ADAMTS17: variants seen among roughly 807,000 people sequenced by gnomAD.
ADAMTS17 encodes the protein A disintegrin and metalloproteinase with thrombospondin motifs 17.
A neutral mutation model predicts 141.5 loss-of-function variants in ADAMTS17; 113 were observed. The ratio of observed to expected loss-of-function variants is 0.80; its 90% confidence interval spans 0.69 to 0.93. The LOEUF (loss-of-function observed/expected upper bound fraction) is 0.93, where lower values mean the gene tolerates loss of function less well. ADAMTS17 is among the 40% of genes least tolerant of loss of function. The pLI is 0.00. For synonymous variants in ADAMTS17, 768 were observed against 630.6 expected (o/e 1.22, Z -3.27); for missense variants, 1,659 against 1,517.9 (o/e 1.09, Z -1.54).
chr15:100,199,731 G>A (rs529821613), intron 7 of ADAMTS17, among the ~76,000 whole-genome samples: 2 of 152,278 alleles, frequency 1.3e-5, no homozygotes, highest in East Asian at 3.9e-4. Flanking sequence ...GGAAAGGAAA[G>A]GTAACTCTCC....
At chr15:100,159,701 T>G (rs1423893153) in intron 8 of ADAMTS17, among the ~76,000 whole-genome samples, 2 of 152,240 alleles carry the variant, frequency 1.3e-5, no homozygotes, top group East Asian at 3.8e-4. Flanking sequence ...GCAGGCATGG[T>G]CTTAATCAGC....
Position 100,093,875 on chromosome 15 carries a change from A to G in ADAMTS17, c.2137+2481T>C, listed in dbSNP as rs527857000. On this transcript the variant is annotated intron_variant, in intron 15 of 21. Coordinates refer to ENST00000268070, the MANE Select transcript of ADAMTS17 (RefSeq NM_139057.4). The stretch of plus-strand genomic sequence containing the variant: ...ATGTAGTCATGCTGCATAAATAACC[A>G]TTGCGTGATTGGGCTTGGGGGTAAC... Among the ~76,000 whole-genome samples the G allele has an allele frequency of 1.6e-4, 25 of 152,234 alleles. No individual in the cohort carries two copies. The South Asian group carries it at 4.1e-3, about 25-fold the overall frequency.
At chr15:100,030,456 C>A (rs112588034) in intron 18 of ADAMTS17, among the ~76,000 whole-genome samples, 2 of 152,168 alleles carry the variant, frequency 1.3e-5, no homozygotes, top group African/African-American at 2.4e-5. Context: ...AACCTCCTCA[C>A]GCTCCCCCTA....
chr15:100,020,947 T>G (rs1330797111), intron 18 of ADAMTS17, among the ~76,000 whole-genome samples: 2 of 152,210 alleles, frequency 1.3e-5, no homozygotes, highest in African/African-American at 2.4e-5. Context: ...GCTTCTCCAG[T>G]GCTGGGAGCT....
intron 7 of ADAMTS17, among the ~76,000 whole-genome samples, chr15:100,205,725 G>A (rs1283755177): frequency 6.6e-6 from 1 of 152,208 alleles, no homozygotes; most frequent in African/African-American, 2.4e-5. Flanking sequence ...GCCTGTATGT[G>A]ACACAGGCCT....
chr15:100,251,521 C>T (rs112619081), intron 7 of ADAMTS17, among the ~76,000 whole-genome samples: 1,753 of 152,292 alleles, frequency 0.012, 38 homozygotes, highest in African/African-American at 0.039. Context: ...ATCAGCAGAT[C>T]GAGACCATCC....
intron 15 of ADAMTS17, among the ~76,000 whole-genome samples, chr15:100,083,959 T>C (rs28374310): frequency 0.32 from 49,089 of 151,298 alleles, 10,164 homozygotes; most frequent in East Asian, 0.58. Context: ...ACTGAGGTAC[T>C]AGGTTCATCT....
intron 10 of ADAMTS17, among the ~76,000 whole-genome samples, chr15:100,134,615 C>CA (rs2038230879): frequency 6.6e-6 from 1 of 152,158 alleles, no homozygotes; most frequent in Admixed American, 6.5e-5. Context: ...CAAGTAATCT[C>CA]AAACATCTGC....
intron 15 of ADAMTS17, among the ~76,000 whole-genome samples, chr15:100,062,847 G>C (rs1405761009): frequency 6.6e-6 from 1 of 152,194 alleles, no homozygotes; most frequent in Non-Finnish European, 1.5e-5. Flanking sequence ...CCCAAGACAG[G>C]AACATGGGAT....
chr15:100,191,548 T>A (rs989801315), intron 8 of ADAMTS17, among the ~76,000 whole-genome samples: 1 of 152,182 alleles, frequency 6.6e-6, no homozygotes, highest in African/African-American at 2.4e-5. Context: ...AGAAATGTCG[T>A]CGCCTCGCAT....
At chr15:100,280,570 C>A (rs1282233161) in intron 4 of ADAMTS17, among the ~76,000 whole-genome samples, 1 of 152,178 alleles carries the variant, frequency 6.6e-6, no homozygotes, top group African/African-American at 2.4e-5. Flanking sequence ...CTGGCCCGCC[C>A]TCCCTCACCA....
At chr15:100,025,823 TTG>T (rs1567689278) in intron 18 of ADAMTS17, among the ~76,000 whole-genome samples, 1 of 152,224 alleles carries the variant, frequency 6.6e-6, no homozygotes, top group Non-Finnish European at 1.5e-5. Context: ...GTATATTTTA[TTG>T]TGTTTTCTGT....
intron 3 of ADAMTS17, among the ~76,000 whole-genome samples, chr15:100,291,948 A>T (rs1012347199): frequency 8.5e-5 from 13 of 152,284 alleles, no homozygotes; most frequent in South Asian, 4.1e-4. Context: ...TTAAAAAAGA[A>T]AAGAAAATAC....
chr15:100,291,600 A>G (rs2044626499), intron 3 of ADAMTS17, among the ~76,000 whole-genome samples: 1 of 152,228 alleles, frequency 6.6e-6, no homozygotes, highest in African/African-American at 2.4e-5. Context: ...CTAGATGCCT[A>G]TCAATGGTAG....
rs903681682 is a variant in ADAMTS17 at position 100,306,397 on chromosome 15, G to C, written c.616+24492C>G. On this transcript the variant is annotated intron_variant, in intron 3 of 21. Transcript: ENST00000268070. The stretch of plus-strand genomic sequence containing the variant: ...ATTGGGAGCCCTGGTGGCCATAGAA[G>C]AAGTATGTCTGCCACCAAGGTATGG... 4 of 442,138 alleles carry C rather than the reference G, an allele frequency of 9.0e-6. No individual in the cohort carries two copies. The East Asian group carries it at 2.8e-4, about 31-fold the overall frequency. The allele number at this position is 442,138 out of a possible 1,614,324, so 27.4% of individuals were successfully genotyped here.
At chr15:100,260,427 A>C (rs534812514) in intron 6 of ADAMTS17, among the ~76,000 whole-genome samples, 12 of 152,114 alleles carry the variant, frequency 7.9e-5, no homozygotes, top group Non-Finnish European at 1.8e-4. Context: ...CAGCCTGGCC[A>C]ATGTGGTGAA....
chr15:100,155,272 G>T lies in ADAMTS17; in HGVS notation c.1230C>A (p.Ser410=). The change falls in exon 9 of 22, where the codon TCC becomes TCA. Residue 410 remains serine (S), a synonymous_variant. Coordinates refer to ENST00000268070, the MANE Select transcript of ADAMTS17 (RefSeq NM_139057.4). ...TCACCCACTCTCCTGACATGATGTG[G>T]GACCTGCCAGCGCAAGATGAGTGGT... is the stretch of plus-strand genomic sequence containing the variant. ...DDDHSSCAGR[S]HIMSGEWVKG... The T allele has an allele frequency of 6.2e-7, 1 of 1,614,178 alleles. No individual in the cohort carries two copies. The highest frequency in any genetic ancestry group is 8.5e-7 in the Non-Finnish European group (1 of 1,180,032).
At chr15:100,086,434 C>A (rs2035105520) in intron 15 of ADAMTS17, among the ~76,000 whole-genome samples, 1 of 151,810 alleles carries the variant, frequency 6.6e-6, no homozygotes, top group East Asian at 1.9e-4. Context: ...TTAGACAGAT[C>A]AACGAGACAG....
chr15:100,279,158 A>T (rs1298481898), intron 4 of ADAMTS17, among the ~76,000 whole-genome samples: 1 of 152,130 alleles, frequency 6.6e-6, no homozygotes, highest in African/African-American at 2.4e-5. Context: ...CCAGCAACAT[A>T]ACATCCACAC....
Sources: allele counts gnomAD v4.1 joint callset (sites outside exome capture counted in the v4.1 genomes callset), GRCh38; gene constraint gnomAD v4.1.1; transcripts MANE v1.5; gene names NCBI Gene and HGNC (gene_info 2026-07-23, HGNC 2026-07-21).